The following SUPT3H variants were observed in gnomAD, a reference collection of about 807,000 sequenced individuals.
The protein encoded by SUPT3H is transcription initiation protein SPT3 homolog.
Under a neutral mutation model 44.3 loss-of-function variants are expected in SUPT3H, and 44 were observed. That is an observed-to-expected ratio of 0.99 (90% CI 0.78 to 1.28). The LOEUF (loss-of-function observed/expected upper bound fraction) is 1.28. SUPT3H is among the 50% of genes most tolerant of loss of function. The pLI, the probability that SUPT3H is intolerant of heterozygous loss-of-function variation, is 0.00. For synonymous variants in SUPT3H, 124 were observed against 125.6 expected (o/e 0.99, Z 0.09); for missense variants, 380 against 387.1 (o/e 0.98, Z 0.15).
At chr6:45,146,350 T>C (rs114447342) in intron 2 of SUPT3H, among the ~76,000 whole-genome samples, 2,670 of 152,230 alleles carry the variant, frequency 0.018, 53 homozygotes, top group South Asian at 0.084. Context: ...AAATATCATA[T>C]GTTCTCACTT....
chr6:45,255,743 C>T (rs746568223), intron 2 of SUPT3H, among the ~76,000 whole-genome samples: 9 of 152,148 alleles, frequency 5.9e-5, no homozygotes, highest in Non-Finnish European at 1.2e-4. Flanking sequence ...CTATTATTGG[C>T]ACCATGTTTC....
intron 2 of SUPT3H, among the ~76,000 whole-genome samples, chr6:45,322,566 T>C (rs1178887764): frequency 6.6e-6 from 1 of 152,064 alleles, no homozygotes; most frequent in Non-Finnish European, 1.5e-5. Context: ...CGCTTCATTT[T>C]CAATATATTT....
At chr6:45,343,735 T>C (rs890899834) in intron 2 of SUPT3H, among the ~76,000 whole-genome samples, 1 of 152,232 alleles carries the variant, frequency 6.6e-6, no homozygotes, top group African/African-American at 2.4e-5. Context: ...ATGGTGTCTC[T>C]GTCCCATGTT....
Position 45,095,152 on chromosome 6 carries a change from C to T in SUPT3H, c.186+10770G>A, listed in dbSNP as rs1562448335. Among the ~76,000 whole-genome samples the T allele has an allele frequency of 6.6e-6, 1 of 152,034 alleles. No individual in the cohort carries two copies. Among genetic ancestry groups the T allele is most frequent in the Admixed American group, 6.6e-5 (1 of 15,244 alleles). On this transcript the variant is annotated intron_variant, in intron 3 of 10. Coordinates refer to ENST00000371459, the MANE Select transcript of SUPT3H (RefSeq NM_003599.4). The surrounding 1 kb of genome is among the most constrained non-coding windows in gnomAD (Gnocchi z 4.1). ...GCTCTGGCTTAGTACAAAGTATGAA[C>T]GTTTAGTTAGCAAGAAGACTGTTTC... is the stretch of plus-strand genomic sequence containing the variant.
chr6:45,366,599 ACC>A (rs1296249136), intron 1 of SUPT3H, among the ~76,000 whole-genome samples: 1 of 152,172 alleles, frequency 6.6e-6, no homozygotes, highest in African/African-American at 2.4e-5. Flanking sequence ...TAGATGTATT[ACC>A]CTTTTTTTCA....
chr6:44,901,368 T>C (rs1457817876), intron 10 of SUPT3H, among the ~76,000 whole-genome samples: 1 of 151,912 alleles, frequency 6.6e-6, no homozygotes, highest in Non-Finnish European at 1.5e-5. Flanking sequence ...AAGAACTACG[T>C]GACGAATGCA....
intron 10 of SUPT3H, among the ~76,000 whole-genome samples, chr6:44,831,767 TGAGA>T (rs144519704): frequency 0.17 from 26,467 of 152,034 alleles, 2,704 homozygotes; most frequent in South Asian, 0.25. Context: ...TGAGTTCACC[TGAGA>T]AATAACCAGG....
intron 2 of SUPT3H, among the ~76,000 whole-genome samples, chr6:45,355,272 C>CTTTAA (rs374504960): frequency 3.5e-4 from 53 of 151,486 alleles, no homozygotes; most frequent in Non-Finnish European, 5.2e-4. Context: ...CCAATAAGCA[C>CTTTAA]TTTAATTTAA....
chr6:45,327,857 T>C (rs1786630890), intron 2 of SUPT3H, among the ~76,000 whole-genome samples: 1 of 151,900 alleles, frequency 6.6e-6, no homozygotes, highest in Non-Finnish European at 1.5e-5. Context: ...AGTCCAAAGA[T>C]GTGAATTATT....
At chr6:45,263,986 C>T (rs997283747) in intron 2 of SUPT3H, among the ~76,000 whole-genome samples, 7 of 152,024 alleles carry the variant, frequency 4.6e-5, no homozygotes, top group Admixed American at 6.6e-5. Context: ...TCCAGAGGAT[C>T]GATTCTCCAA....
intron 2 of SUPT3H, among the ~76,000 whole-genome samples, chr6:45,327,393 CTA>C (rs1786535758): frequency 6.6e-6 from 1 of 151,948 alleles, no homozygotes; most frequent in Non-Finnish European, 1.5e-5. Flanking sequence ...ATCAGAAACT[CTA>C]TTAATGTCTA....
chr6:45,344,928 A>C (rs977993408), intron 2 of SUPT3H, among the ~76,000 whole-genome samples: 2 of 152,164 alleles, frequency 1.3e-5, no homozygotes, highest in African/African-American at 4.8e-5. Flanking sequence ...ATAGTTTAGT[A>C]GTTGCCATGG....
intron 2 of SUPT3H, among the ~76,000 whole-genome samples, chr6:45,355,600 T>C (rs1159539671): frequency 1.3e-5 from 2 of 152,160 alleles, no homozygotes; most frequent in Non-Finnish European, 1.5e-5. Flanking sequence ...TTTTTCTTTG[T>C]ATCAATTTGC....
chr6:44,893,280 G>A (rs1162711421), intron 10 of SUPT3H, among the ~76,000 whole-genome samples: 1 of 152,034 alleles, frequency 6.6e-6, no homozygotes, highest in Non-Finnish European at 1.5e-5. Flanking sequence ...ACAATGTGCA[G>A]GTTAGTTACA....
intron 2 of SUPT3H, among the ~76,000 whole-genome samples, chr6:45,182,102 C>G: frequency 6.6e-6 from 1 of 151,994 alleles, no homozygotes; most frequent in Non-Finnish European, 1.5e-5. Flanking sequence ...GGTGCTGGAG[C>G]TGATGTCTTC....
chr6:45,165,310 G>C (rs1028874456), intron 2 of SUPT3H, among the ~76,000 whole-genome samples: 1 of 152,170 alleles, frequency 6.6e-6, no homozygotes, highest in Non-Finnish European at 1.5e-5. Context: ...TACTAAAAAT[G>C]AATGTAGCAA....
At chr6:44,831,516 C>T (rs946508396) in intron 10 of SUPT3H, among the ~76,000 whole-genome samples, 6 of 152,214 alleles carry the variant, frequency 3.9e-5, no homozygotes, top group Non-Finnish European at 7.4e-5. Flanking sequence ...CCTACCACCA[C>T]GGCTGCCTTA....
In SUPT3H at chr6:44,827,996, A is replaced by G. The variant is rs1767955760; in HGVS notation, c.*1820T>C. Among the ~76,000 whole-genome samples the G allele has an allele frequency of 6.6e-6, 1 of 152,136 alleles. No homozygotes were observed. Among genetic ancestry groups the G allele is most frequent in the South Asian group, 2.1e-4 (1 of 4,834 alleles). ...CATTGAGTCTTCCTTCTCTGGGACT[A>G]TAAGGAGATCAGGTGGAATAAAACG... On this transcript the variant is annotated 3_prime_UTR_variant, in exon 11 of 11. Coordinates refer to ENST00000371459, the MANE Select transcript of SUPT3H (RefSeq NM_003599.4).
chr6:45,226,071 A>G (rs1366149255), intron 2 of SUPT3H, among the ~76,000 whole-genome samples: 1 of 152,210 alleles, frequency 6.6e-6, no homozygotes. Flanking sequence ...ACATTATATT[A>G]AGCACTTACA....
Sources: gnomAD v4.1 joint callset for allele counts (sites outside exome capture counted in the v4.1 genomes callset) on GRCh38, gnomAD v4.1.1 for gene constraint, Gnocchi (gnomAD v3.1) non-coding constraint, MANE v1.5 for transcripts, NCBI Gene and HGNC (gene_info 2026-07-23, HGNC 2026-07-21) for gene names.